Variants in ADGRB3 observed in about 807,000 individuals in gnomAD.
ADGRB3 encodes brain-specific angiogenesis inhibitor 3.
In ADGRB3, 37 loss-of-function variants were observed where a neutral mutation model predicts 193.4. The ratio of observed to expected loss-of-function variants is 0.19; its 90% CI spans 0.15 to 0.25. ADGRB3 has a LOEUF of 0.25. ADGRB3 is among the 10% of genes least tolerant of loss of function. ADGRB3 has a pLI of 1.00. For synonymous variants in ADGRB3, 690 were observed against 644.2 expected (o/e 1.07, Z -1.08); for missense variants, 1,637 against 1,852.9 (o/e 0.88, Z 2.14).
At chr6:69,069,162 C>A (rs1582437453) in intron 16 of ADGRB3, among the ~76,000 whole-genome samples, 2 of 152,114 alleles carry the variant, frequency 1.3e-5, no homozygotes, top group South Asian at 4.1e-4. Flanking sequence ...AAATATGGAA[C>A]AGTACTTATC....
At chr6:69,305,070 A>T (rs1768036620) in intron 20 of ADGRB3, among the ~76,000 whole-genome samples, 1 of 151,520 alleles carries the variant, frequency 6.6e-6, no homozygotes, top group South Asian at 2.1e-4. Flanking sequence ...CTTCCCCTAT[A>T]TATAGTAATA....
chr6:69,049,282 T>C lies in ADGRB3; in HGVS notation c.2269T>C (p.Ser757Pro), dbSNP rs371427666. ...TTTATTCTTTCTAGAATTAGATGAA[T>C]CATCTGTATTTGTTCTTGGCGCAGT... ...TPVSSKELDE[S>P]SVFVLGAVLY... Residue 757 changes from serine to proline, a missense_variant, in exon 15 of 32, where the codon TCA becomes CCA. Transcript: ENST00000370598. The C allele has an allele frequency of 6.2e-7, 1 of 1,602,174 alleles. No individual in the cohort carries two copies.
Position 68,797,156 on chromosome 6 carries a change from A to G in ADGRB3, c.758-133403A>G, listed in dbSNP as rs150593558. ...CCCTGTATTCATTCATTCTGCACCC[A>G]TGCTTTAAGTACCTTGCGTGGGTCA... On this transcript the variant is annotated intron_variant, in intron 3 of 31. Transcript: ENST00000370598. 6.6e-5 allele frequency among the ~76,000 whole-genome samples: 10 copies of G among 152,174 alleles called. No individual in the cohort carries two copies. In the East Asian group the frequency reaches 1.9e-3, roughly 30 times the overall value.
intron 3 of ADGRB3, among the ~76,000 whole-genome samples, chr6:68,772,644 C>A (rs1004661134): frequency 1.3e-5 from 2 of 151,632 alleles, no homozygotes; most frequent in Non-Finnish European, 2.9e-5. Flanking sequence ...CAGATTCAAG[C>A]TAAAGTATCA....
intron 3 of ADGRB3, among the ~76,000 whole-genome samples, chr6:68,856,089 G>T (rs1323183823): frequency 6.6e-6 from 1 of 152,192 alleles, no homozygotes; most frequent in Non-Finnish European, 1.5e-5. Context: ...ATCCACATAA[G>T]TTGAGACTTG....
chr6:68,863,119 T>A (rs990884494), intron 3 of ADGRB3, among the ~76,000 whole-genome samples: 2 of 152,180 alleles, frequency 1.3e-5, no homozygotes, highest in Non-Finnish European at 2.9e-5. Context: ...TCCCAAAGTG[T>A]TTGCCACTTA....
intron 17 of ADGRB3, 111 bp from the exon 18 acceptor site, chr6:69,233,179 T>G: frequency 7.1e-7 from 1 of 1,405,570 alleles, no homozygotes. Context: ...TTTTTTCCTG[T>G]ACAGGAATTA....
intron 17 of ADGRB3, among the ~76,000 whole-genome samples, chr6:69,136,559 G>T (rs916262145): frequency 6.6e-6 from 1 of 151,788 alleles, no homozygotes; most frequent in African/African-American, 2.4e-5. Context: ...TATATATTTG[G>T]CATTATATAA....
intron 20 of ADGRB3, among the ~76,000 whole-genome samples, chr6:69,263,707 T>C (rs112765456): frequency 6.6e-6 from 1 of 152,070 alleles, no homozygotes; most frequent in African/African-American, 2.4e-5. Context: ...CATGGGGAAG[T>C]AAAATTTCAG....
intron 20 of ADGRB3, among the ~76,000 whole-genome samples, chr6:69,256,493 G>T (rs1163684908): frequency 6.6e-6 from 1 of 151,982 alleles, no homozygotes; most frequent in Non-Finnish European, 1.5e-5. Context: ...CTCATGATTT[G>T]GCTCTCTGTT....
At chr6:68,828,793 G>A (rs1382269845) in intron 3 of ADGRB3, among the ~76,000 whole-genome samples, 1 of 152,088 alleles carries the variant, frequency 6.6e-6, no homozygotes, top group Non-Finnish European at 1.5e-5. Context: ...TGCTACCTGG[G>A]TGATTATCAA....
intron 22 of ADGRB3, among the ~76,000 whole-genome samples, chr6:69,329,049 A>G (rs1768648747): frequency 1.0e-5 from 1 of 98,298 alleles, no homozygotes; most frequent in South Asian, 2.6e-4. Context: ...AAAAAATAAA[A>G]GATATACTGA....
chr6:68,983,515 G>A (rs995907652), intron 10 of ADGRB3, among the ~76,000 whole-genome samples: 4 of 149,712 alleles, frequency 2.7e-5, no homozygotes, highest in African/African-American at 9.7e-5. Flanking sequence ...GAATATAATT[G>A]TATAGAAAAG....
At chr6:68,826,549 G>C (rs1336592412) in intron 3 of ADGRB3, among the ~76,000 whole-genome samples, 2 of 152,190 alleles carry the variant, frequency 1.3e-5, no homozygotes, top group African/African-American at 4.8e-5. Flanking sequence ...CCTTTGGAAT[G>C]CTTCCAGAAT....
At chr6:69,100,841 GGAGGGAGGGAGGGAAGGA>G in intron 17 of ADGRB3, among the ~76,000 whole-genome samples, 1 of 102,914 alleles carries the variant, frequency 9.7e-6, no homozygotes, top group Non-Finnish European at 2.1e-5. Context: ...AAGGAAGGAA[GGAGGGAGGGAGGGAAGGA>G]AGGAAGGAAG....
chr6:69,128,884 G>A (rs1773925950), intron 17 of ADGRB3, among the ~76,000 whole-genome samples: 1 of 152,134 alleles, frequency 6.6e-6, no homozygotes, highest in African/African-American at 2.4e-5. Context: ...TATATTGAAT[G>A]TCTTCTCACT....
chr6:68,979,103 A>T (rs1768832980), intron 10 of ADGRB3, among the ~76,000 whole-genome samples: 1 of 147,282 alleles, frequency 6.8e-6, no homozygotes, highest in South Asian at 2.1e-4. Flanking sequence ...CATGTTGGAC[A>T]TTTGGTTTTT....
chr6:68,958,870 AGTGTGTGTGTGT>A (rs66559521), intron 8 of ADGRB3, among the ~76,000 whole-genome samples: 79 of 147,330 alleles, frequency 5.4e-4, no homozygotes, highest in East Asian at 2.4e-3. Flanking sequence ...AAAGAAAAAT[AGTGTGTGTGTGT>A]GTGTGTGTGT....
chr6:69,343,251 G>A lies in ADGRB3; in HGVS notation c.3459+3747G>A, dbSNP rs1233980073. On this transcript the variant is annotated intron_variant, in intron 26 of 31. Coordinates refer to ENST00000370598, the MANE Select transcript of ADGRB3 (RefSeq NM_001704.3). ...CACATTGTGCAGGTTAGTTACATATGTATACATGTGCCATGCTGGTGCGCT... is the reference window on the plus strand; with the variant it reads ...CACATTGTGCAGGTTAGTTACATATATATACATGTGCCATGCTGGTGCGCT... Among the ~76,000 whole-genome samples, 5 of 146,512 alleles carry A rather than the reference G, an allele frequency of 3.4e-5. No homozygotes were observed. In the Admixed American group the frequency reaches 3.5e-4, roughly 10 times the overall value.
Sources: gnomAD v4.1 joint callset for allele counts (sites outside exome capture counted in the v4.1 genomes callset) on GRCh38, gnomAD v4.1.1 for gene constraint, MANE v1.5 for transcripts, NCBI Gene and HGNC (gene_info 2026-07-23, HGNC 2026-07-21) for gene names.